The following ADAMTS12 variants were observed in gnomAD, a reference collection of about 807,000 sequenced individuals.
The protein encoded by ADAMTS12 is A disintegrin and metalloproteinase with thrombospondin motifs 12.
In ADAMTS12, 118 loss-of-function variants were observed where a neutral mutation model predicts 167.8. The ratio of observed to expected loss-of-function variants is 0.70; its 90% CI spans 0.61 to 0.82. ADAMTS12 has a LOEUF of 0.82. Ranked by LOEUF, ADAMTS12 falls within the 40% of genes least tolerant of loss-of-function variation. The pLI is 0.00. For synonymous variants in ADAMTS12, 704 were observed against 716.9 expected (o/e 0.98, Z 0.29); for missense variants, 1,916 against 1,998.8 (o/e 0.96, Z 0.79).
Position 33,648,884 on chromosome 5 carries a change from C to A in ADAMTS12, c.1417G>T (p.Asp473Tyr). The change falls in exon 9 of 24, where the codon GAT becomes TAT. Residue 473 changes from aspartate (D) to tyrosine (Y), a missense_variant. Coordinates refer to ENST00000504830, the MANE Select transcript of ADAMTS12 (RefSeq NM_030955.4). ...TGTAGCTGGCACTGGTGGTGAACAT[C>A]ATAGATCACTCCGGGGGCAATGACC... ...SKVIAPGVIY[D>Y]VHHQCQLQYG... The A allele has an allele frequency of 6.2e-7, 1 of 1,614,032 alleles. No individual in the cohort carries two copies. Among genetic ancestry groups the A allele is most frequent in the Non-Finnish European group, 8.5e-7 (1 of 1,179,962 alleles).
intron 2 of ADAMTS12, among the ~76,000 whole-genome samples, chr5:33,785,300 T>TAA (rs58021398): frequency 1.3e-4 from 20 of 149,652 alleles, no homozygotes; most frequent in African/African-American, 4.9e-4. Context: ...GCACAGCTTG[T>TAA]AAAAAAAAAA....
At chr5:33,874,275 G>A (rs950107646) in intron 2 of ADAMTS12, among the ~76,000 whole-genome samples, 2 of 152,080 alleles carry the variant, frequency 1.3e-5, no homozygotes, top group Non-Finnish European at 2.9e-5. Flanking sequence ...GACCTTAACA[G>A]GAACCTCACT....
chr5:33,526,933 A>G lies in ADAMTS12; in HGVS notation c.*255T>C, dbSNP rs1214725636. The G allele has an allele frequency of 3.3e-5, 15 of 459,194 alleles. No homozygotes were observed. Among genetic ancestry groups the G allele is most frequent in the Non-Finnish European group, 5.4e-5 (14 of 257,564 alleles). The allele number at this position is 459,194 out of a possible 1,614,324, so 28.4% of individuals were successfully genotyped here. ...ATCTGTCTAACCTGGCACCTTTCCC[A>G]GGAGCCGATACCAGGTGCTGCCTGA... is the stretch of plus-strand genomic sequence containing the variant. On this transcript the variant is annotated 3_prime_UTR_variant, in exon 24 of 24. Coordinates refer to ENST00000504830, the MANE Select transcript of ADAMTS12 (RefSeq NM_030955.4).
At chr5:33,615,718 A>G (rs1480456052) in intron 15 of ADAMTS12, 110 bp downstream of exon 15, 54 of 1,432,250 alleles carry the variant, frequency 3.8e-5, no homozygotes, top group Non-Finnish European at 4.6e-5. Context: ...TCCTTGCTAA[A>G]AGAGGTTTTA....
In ADAMTS12 at chr5:33,881,325, T is replaced by C; in HGVS notation, c.283A>G (p.Ile95Val). ...DGSEDWVYYR[I>V]SHEEKDLFFN... ...AACAGGTCCTTCTCCTCGTGAGAAA[T>C]TCTGTAGTACACCCAGTCCTCTGAG... The change falls in exon 2 of 24, where the codon ATT becomes GTT. Residue 95 changes from isoleucine (I) to valine (V), a missense_variant. Coordinates refer to ENST00000504830, the MANE Select transcript of ADAMTS12 (RefSeq NM_030955.4). 1 of 1,614,200 alleles carries C rather than the reference T, an allele frequency of 6.2e-7. No individual in the cohort carries two copies. The highest frequency in any genetic ancestry group is 1.1e-5 in the South Asian group (1 of 91,090).
intron 22 of ADAMTS12, among the ~76,000 whole-genome samples, chr5:33,542,413 G>A (rs570214324): frequency 6.6e-6 from 1 of 152,050 alleles, no homozygotes; most frequent in East Asian, 1.9e-4. Flanking sequence ...CAATAATAAT[G>A]GGAGACTTTA....
At chr5:33,875,869 GC>G (rs1343749668) in intron 2 of ADAMTS12, among the ~76,000 whole-genome samples, 1 of 152,118 alleles carries the variant, frequency 6.6e-6, no homozygotes, top group East Asian at 1.9e-4. Flanking sequence ...AAATAAAACT[GC>G]CCCATTGGCA....
At chr5:33,600,421 A>G (rs749086302) in intron 16 of ADAMTS12, among the ~76,000 whole-genome samples, 1 of 152,222 alleles carries the variant, frequency 6.6e-6, no homozygotes, top group Non-Finnish European at 1.5e-5. Context: ...CATATTCTCA[A>G]TTCAATATCC....
chr5:33,643,725 T>C (rs1740554841), intron 9 of ADAMTS12, among the ~76,000 whole-genome samples: 1 of 152,218 alleles, frequency 6.6e-6, no homozygotes, highest in Admixed American at 6.5e-5. Context: ...TTTCTAAGGG[T>C]TGAGATGGTC....
At chr5:33,867,658 TAA>T (rs966836165) in intron 2 of ADAMTS12, among the ~76,000 whole-genome samples, 2 of 152,026 alleles carry the variant, frequency 1.3e-5, no homozygotes, top group African/African-American at 4.8e-5. Context: ...CACACATATA[TAA>T]AAAGTTTTTA....
chr5:33,662,556 T>C (rs1421774296), intron 5 of ADAMTS12, among the ~76,000 whole-genome samples: 1 of 152,214 alleles, frequency 6.6e-6, no homozygotes, highest in African/African-American at 2.4e-5. Context: ...GATGACATAA[T>C]CTCTCCAGGC....
In ADAMTS12 at chr5:33,649,236, C is replaced by T. The variant is rs150342486; in HGVS notation, c.1335-270G>A. Among the ~76,000 whole-genome samples, 11 of 152,262 alleles carry T rather than the reference C, an allele frequency of 7.2e-5. No homozygotes were observed. The East Asian group carries it at 1.9e-3, about 27-fold the overall frequency. Reference sequence around the variant, plus strand: ...CTACTCTCAATGAGGTTTGAATGACCACTCTTATCTCTGTTGGGTGTTCCT... The same window carrying T: ...CTACTCTCAATGAGGTTTGAATGACTACTCTTATCTCTGTTGGGTGTTCCT... On this transcript the variant is annotated intron_variant, in intron 8 of 23. Transcript: ENST00000504830.
At chr5:33,704,919 T>A (rs1743134077) in intron 3 of ADAMTS12, among the ~76,000 whole-genome samples, 1 of 152,210 alleles carries the variant, frequency 6.6e-6, no homozygotes, top group Admixed American at 6.5e-5. Flanking sequence ...CAGTCCAATG[T>A]TTAGAAATGT....
intron 2 of ADAMTS12, among the ~76,000 whole-genome samples, chr5:33,850,981 TTC>T (rs1561308212): frequency 6.6e-6 from 1 of 152,210 alleles, no homozygotes; most frequent in Non-Finnish European, 1.5e-5. Context: ...GTTAAGAAAC[TTC>T]TCTTAGAGCT....
chr5:33,878,876 G>A (rs1298339406), intron 2 of ADAMTS12, among the ~76,000 whole-genome samples: 1 of 152,126 alleles, frequency 6.6e-6, no homozygotes, highest in African/African-American at 2.4e-5. Context: ...GTTGAGCCAG[G>A]GTTAACAACG....
At chr5:33,666,944 C>G (rs1467466347) in intron 5 of ADAMTS12, among the ~76,000 whole-genome samples, 1 of 152,168 alleles carries the variant, frequency 6.6e-6, no homozygotes, top group South Asian at 2.1e-4. Flanking sequence ...TATGGCTTAT[C>G]AATCACTTCC....
chr5:33,774,662 A>G lies in ADAMTS12; in HGVS notation c.490-23114T>C, dbSNP rs192212030. On this transcript the variant is annotated intron_variant, in intron 2 of 23. Transcript: ENST00000504830. ...AATTATTTTTGTCCAGTAGAATACA[A>G]ATGACTATTATCCAATAGAAAAGAT... 4.5e-3 allele frequency among the ~76,000 whole-genome samples: 688 copies of G among 152,316 alleles called. 4 individuals are homozygous for G. The highest frequency in any genetic ancestry group is 0.016 in the African/African-American group (652 of 41,570).
intron 19 of ADAMTS12, among the ~76,000 whole-genome samples, chr5:33,574,720 A>C (rs1287961562): frequency 6.6e-6 from 1 of 152,198 alleles, no homozygotes; most frequent in Non-Finnish European, 1.5e-5. Flanking sequence ...CACATTGTGC[A>C]CATGTACCCT....
intron 17 of ADAMTS12, among the ~76,000 whole-genome samples, chr5:33,589,540 C>T (rs1039487469): frequency 2.6e-5 from 4 of 151,856 alleles, no homozygotes; most frequent in African/African-American, 9.7e-5. Context: ...GGATGTGGGC[C>T]CACTGGTTAC....
Sources: allele counts gnomAD v4.1 joint callset (sites outside exome capture counted in the v4.1 genomes callset), GRCh38; gene constraint gnomAD v4.1.1; transcripts MANE v1.5; gene names NCBI Gene and HGNC (gene_info 2026-07-23, HGNC 2026-07-21).